Variants in ADGRL2 observed in about 807,000 individuals in gnomAD.
ADGRL2 encodes calcium-independent alpha-latrotoxin receptor 2.
In ADGRL2, 44 loss-of-function variants were observed where a neutral mutation model predicts 157.4. The observed-to-expected ratio is 0.28, with a 90% CI of 0.22 to 0.36. The LOEUF is 0.36. Among genes scored for constraint, ADGRL2 ranks in the 10% least tolerant of loss-of-function variants. The probability of loss-of-function intolerance (pLI) is 1.00; values close to 1 mark genes in which losing one functional copy is unlikely to be tolerated. For synonymous variants in ADGRL2, 585 were observed against 624.7 expected (o/e 0.94, Z 0.95); for missense variants, 1,510 against 1,768.9 (o/e 0.85, Z 2.63).
chr1:81,586,852 C>A (rs540878164), intron 3 of ADGRL2, among the ~76,000 whole-genome samples: 6 of 152,160 alleles, frequency 3.9e-5, no homozygotes, highest in African/African-American at 1.4e-4. Context: ...TGTCACCAAG[C>A]TAAAAGTTTA....
chr1:81,645,197 C>A (rs1390715556), intron 3 of ADGRL2, among the ~76,000 whole-genome samples: 1 of 151,786 alleles, frequency 6.6e-6, no homozygotes, highest in Non-Finnish European at 1.5e-5. Context: ...CAAGACCAGC[C>A]TGGGCAACAT....
intron 1 of ADGRL2, among the ~76,000 whole-genome samples, chr1:81,721,413 C>T (rs1475727897): frequency 4.6e-5 from 7 of 152,076 alleles, no homozygotes; most frequent in Admixed American, 4.6e-4. Context: ...ACAACCGACC[C>T]AAATTGATCT....
chr1:81,761,856 A>G (rs369786215), intron 2 of ADGRL2: 2 of 152,164 alleles, frequency 1.3e-5, no homozygotes, highest in East Asian at 1.9e-4. Flanking sequence ...CAGAATGGTA[A>G]GTAAGGAGTT....
At chr1:81,432,040 T>C (rs2077331893) in intron 1 of ADGRL2, among the ~76,000 whole-genome samples, 1 of 152,210 alleles carries the variant, frequency 6.6e-6, no homozygotes, top group South Asian at 2.1e-4. Flanking sequence ...AGAAACAAAA[T>C]TGTTCTTCAA....
At chr1:81,469,822 C>T (rs1199434544) in intron 2 of ADGRL2, among the ~76,000 whole-genome samples, 1 of 152,202 alleles carries the variant, frequency 6.6e-6, no homozygotes, top group African/African-American at 2.4e-5. Context: ...TTCCCTTGCT[C>T]ATTATGAACA....
At chr1:81,586,859 T>C (rs1282316205) in intron 3 of ADGRL2, among the ~76,000 whole-genome samples, 2 of 152,082 alleles carry the variant, frequency 1.3e-5, no homozygotes, top group Non-Finnish European at 2.9e-5. Context: ...AAGCTAAAAG[T>C]TTATTTCTTA....
chr1:81,451,157 GTT>G (rs1467795870), intron 2 of ADGRL2, among the ~76,000 whole-genome samples: 1 of 151,406 alleles, frequency 6.6e-6, no homozygotes, highest in Non-Finnish European at 1.5e-5. Flanking sequence ...CTTTTTTCTT[GTT>G]TCTCAAATCT....
At chr1:81,387,084 C>T (rs895282534) in intron 1 of ADGRL2, among the ~76,000 whole-genome samples, 5 of 152,108 alleles carry the variant, frequency 3.3e-5, no homozygotes, top group Non-Finnish European at 7.4e-5. Context: ...TTGGAATTAA[C>T]GTTAGCTAGT....
chr1:81,502,544 C>G, intron 2 of ADGRL2: 1 of 1,613,994 alleles, frequency 6.2e-7, no homozygotes. Flanking sequence ...GCTGTATAAG[C>G]TGGTGACCGA....
upstream of ADGRL2, among the ~76,000 whole-genome samples, chr1:81,800,135 TACTTGAGA>T (rs2087825571): frequency 6.6e-6 from 1 of 152,196 alleles, no homozygotes; most frequent in Non-Finnish European, 1.5e-5. Context: ...TCTGTGACTA[TACTTGAGA>T]GTAAAGAGCC....
chr1:81,319,513 A>G (rs1337930420), intron 1 of ADGRL2, among the ~76,000 whole-genome samples: 1 of 152,182 alleles, frequency 6.6e-6, no homozygotes, highest in Non-Finnish European at 1.5e-5. Flanking sequence ...AGTGATCCCA[A>G]TAGGCCAATG....
chr1:81,828,497 T>C (rs1421664087), intron 1 of ADGRL2, among the ~76,000 whole-genome samples: 1 of 152,188 alleles, frequency 6.6e-6, no homozygotes, highest in Non-Finnish European at 1.5e-5. Flanking sequence ...AATTGAAACA[T>C]TTTAAAAACC....
At chr1:81,694,383 G>A (rs181022650) in intron 3 of ADGRL2, among the ~76,000 whole-genome samples, 29 of 151,888 alleles carry the variant, frequency 1.9e-4, no homozygotes, top group African/African-American at 5.5e-4. Context: ...TGAAACTACC[G>A]ATGTGGTTAG....
At chr1:81,572,494 G>T (rs375690381) in intron 2 of ADGRL2, among the ~76,000 whole-genome samples, 20 of 152,230 alleles carry the variant, frequency 1.3e-4, no homozygotes, top group African/African-American at 4.6e-4. Context: ...AGTGTCATAA[G>T]GTACAAAGCT....
chr1:81,848,487 A>G (rs938207998), intron 2 of ADGRL2, among the ~76,000 whole-genome samples: 1 of 151,880 alleles, frequency 6.6e-6, no homozygotes, highest in Non-Finnish European at 1.5e-5. Flanking sequence ...ATTTAGCTTC[A>G]GATCATTAGT....
In ADGRL2 at chr1:81,981,906, A is replaced by G. The variant is rs770659493; in HGVS notation, c.3212A>G (p.Tyr1071Cys). 4.3e-6 allele frequency: 7 copies of G among 1,612,162 alleles called. No individual in the cohort carries two copies. The highest frequency in any genetic ancestry group is 5.1e-6 in the Non-Finnish European group (6 of 1,178,658). ...FINEETIVMA[Y>C]LFTIFNAFQG... is the part of the protein sequence containing the mutation. Reference sequence around the variant, plus strand: ...AATGAGGAGACTATTGTGATGGCATATCTCTTCACTATATTTAATGCTTTC... The same window carrying G: ...AATGAGGAGACTATTGTGATGGCATGTCTCTTCACTATATTTAATGCTTTC... Residue 1071 changes from tyrosine to cysteine, a missense_variant, in exon 19 of 24, where the codon TAT becomes TGT. Coordinates refer to ENST00000686636, the MANE Select transcript of ADGRL2 (RefSeq NM_001366006.2).
At chr1:81,550,995 T>C (rs990194960) in intron 2 of ADGRL2, among the ~76,000 whole-genome samples, 2 of 152,130 alleles carry the variant, frequency 1.3e-5, no homozygotes, top group African/African-American at 4.8e-5. Flanking sequence ...AGGAGGGGCT[T>C]TGAAGTCAGA....
chr1:81,665,044 A>G (rs2082727014), intron 3 of ADGRL2, among the ~76,000 whole-genome samples: 1 of 152,188 alleles, frequency 6.6e-6, no homozygotes, highest in African/African-American at 2.4e-5. Flanking sequence ...AATAATTAAA[A>G]TAAATACTAG....
Position 81,481,975 on chromosome 1 carries a change from A to G in ADGRL2, c.-248+36886A>G, listed in dbSNP as rs57614983. ...TCTATGTACTCTATTGACGTTTCTG[A>G]CACATTGTGTCCACAACTGCTCTCT... On this transcript the variant is annotated intron_variant, in intron 2 of 24. Coordinates refer to the ADGRL2 transcript ENST00000370721. 9.2e-3 allele frequency among the ~76,000 whole-genome samples: 1,396 copies of G among 152,270 alleles called. 30 individuals carry two copies. The highest frequency in any genetic ancestry group is 0.031 in the African/African-American group (1,301 of 41,546).
Sources: gnomAD v4.1 joint callset for allele counts (sites outside exome capture counted in the v4.1 genomes callset) on GRCh38, gnomAD v4.1.1 for gene constraint, MANE v1.5 for transcripts, NCBI Gene and HGNC (gene_info 2026-07-23, HGNC 2026-07-21) for gene names.